The following GALNTL6 variants were observed in gnomAD, a reference collection of about 807,000 sequenced individuals.
GALNTL6 encodes the protein polypeptide N-acetylgalactosaminyltransferase like 6.
A neutral mutation model predicts 73.7 loss-of-function variants in GALNTL6; 46 were observed. The ratio of observed to expected loss-of-function variants is 0.62; its 90% CI spans 0.49 to 0.80. GALNTL6 has a LOEUF of 0.80. Among genes scored for constraint, GALNTL6 ranks in the 30% least tolerant of loss-of-function variants. The pLI is 0.00. For synonymous variants in GALNTL6, 259 were observed against 263.7 expected, an observed-to-expected ratio of 0.98 and a Z score of 0.17; for missense variants, 604 against 755.0, an observed-to-expected ratio of 0.80 and a Z score of 2.34.
At chr4:172,524,155 C>A (rs897455864) in intron 5 of GALNTL6, among the ~76,000 whole-genome samples, 2 of 152,132 alleles carry the variant, frequency 1.3e-5, no homozygotes, top group African/African-American at 4.8e-5. Flanking sequence ...ATTCTGTGGA[C>A]ACTTTTGCTC....
At chr4:172,398,862 G>T (rs1743939500) in intron 5 of GALNTL6, among the ~76,000 whole-genome samples, 1 of 150,534 alleles carries the variant, frequency 6.6e-6, no homozygotes, top group Non-Finnish European at 1.5e-5. Flanking sequence ...CAATGTTTGG[G>T]TTTTTTTTTC....
At chr4:172,777,721 A>T (rs546509588) in intron 5 of GALNTL6, among the ~76,000 whole-genome samples, 1 of 152,286 alleles carries the variant, frequency 6.6e-6, no homozygotes, top group Non-Finnish European at 1.5e-5. Flanking sequence ...ATAAGTAGAG[A>T]CTTCCATAGA....
At chr4:172,203,212 G>A (rs1352640822) in intron 2 of GALNTL6, among the ~76,000 whole-genome samples, 1 of 152,146 alleles carries the variant, frequency 6.6e-6, no homozygotes, top group Non-Finnish European at 1.5e-5. Flanking sequence ...TATTGGTTAT[G>A]TTGTTATGGG....
chr4:171,944,633 AT>A (rs1489608050), intron 2 of GALNTL6, among the ~76,000 whole-genome samples: 1 of 152,072 alleles, frequency 6.6e-6, no homozygotes, highest in Non-Finnish European at 1.5e-5. Context: ...AAATACATTC[AT>A]TTCTAATCCA....
At chr4:172,409,025 T>C (rs894175830) in intron 5 of GALNTL6, among the ~76,000 whole-genome samples, 1 of 152,110 alleles carries the variant, frequency 6.6e-6, no homozygotes. Flanking sequence ...AGATATTGAA[T>C]ATTTTCAGTT....
At chr4:172,482,364 C>A (rs760364261) in intron 5 of GALNTL6, among the ~76,000 whole-genome samples, 1 of 152,240 alleles carries the variant, frequency 6.6e-6, no homozygotes, top group Non-Finnish European at 1.5e-5. Context: ...GTGGCCAGAG[C>A]GGATGCCGAG....
intron 5 of GALNTL6, among the ~76,000 whole-genome samples, chr4:172,609,933 G>A (rs1269481407): frequency 6.6e-6 from 1 of 151,842 alleles, no homozygotes; most frequent in East Asian, 1.9e-4. Flanking sequence ...GAGGGTGAAT[G>A]TGTCCAGGAA....
intron 5 of GALNTL6, among the ~76,000 whole-genome samples, chr4:172,658,082 G>A (rs1331607286): frequency 4.1e-5 from 5 of 120,564 alleles, no homozygotes; most frequent in Non-Finnish European, 8.4e-5. Flanking sequence ...CCCGGGAGGC[G>A]GAGCTTGCAG....
intron 5 of GALNTL6, among the ~76,000 whole-genome samples, chr4:172,791,888 G>T (rs1740013089): frequency 6.6e-6 from 1 of 152,194 alleles, no homozygotes; most frequent in Non-Finnish European, 1.5e-5. Flanking sequence ...AAAAAGTCAT[G>T]TTGGATTCTG....
At chr4:172,212,649 C>A (rs772694585) in intron 2 of GALNTL6, among the ~76,000 whole-genome samples, 10 of 152,002 alleles carry the variant, frequency 6.6e-5, no homozygotes, top group Non-Finnish European at 1.5e-4. Flanking sequence ...CCCCTGGCAA[C>A]CACTGCTCTT....
In GALNTL6 at chr4:172,069,391, ATG is replaced by A. The variant is rs1307182966; in HGVS notation, c.139-160261_139-160260del. On this transcript the variant is annotated intron_variant, in intron 2 of 12. Transcript: ENST00000506823. ...TGTGTATATATATGTGTGTGTACATATGTGTTATATATAACACATATATGTTA... is the reference window on the plus strand; with the variant it reads ...TGTGTATATATATGTGTGTGTACATATGTTATATATAACACATATATGTTA... Among the ~76,000 whole-genome samples, 2 of 99,456 alleles carry A rather than the reference ATG, an allele frequency of 2.0e-5. 1 individual carries two copies. Among genetic ancestry groups the A allele is most frequent in the Non-Finnish European group, 4.3e-5 (2 of 46,400 alleles). 65.2% of individuals were successfully genotyped at this position (99,456 alleles called of 152,430 possible).
At chr4:171,826,377 G>A (rs1046828361) in intron 2 of GALNTL6, among the ~76,000 whole-genome samples, 30 of 152,096 alleles carry the variant, frequency 2.0e-4, no homozygotes, top group Non-Finnish European at 3.5e-4. Flanking sequence ...GATAAATATG[G>A]AACCTCTATC....
At chr4:172,097,254 C>T (rs1732381922) in intron 2 of GALNTL6, among the ~76,000 whole-genome samples, 1 of 152,190 alleles carries the variant, frequency 6.6e-6, no homozygotes, top group Non-Finnish European at 1.5e-5. Flanking sequence ...CTATAAACTT[C>T]TGAACTGGTT....
intron 8 of GALNTL6, among the ~76,000 whole-genome samples, chr4:172,913,004 T>C (rs906062034): frequency 2.0e-5 from 3 of 152,126 alleles, no homozygotes; most frequent in Non-Finnish European, 2.9e-5. Flanking sequence ...CGGGTAACCC[T>C]GTGAGACAAA....
At chr4:173,018,839 C>T (rs941876033) in intron 11 of GALNTL6, among the ~76,000 whole-genome samples, 29 of 152,266 alleles carry the variant, frequency 1.9e-4, no homozygotes, top group Non-Finnish European at 3.7e-4. Context: ...GTGGAGCGTT[C>T]CTAAGAGGTC....
chr4:171,901,571 C>A (rs915731655), intron 2 of GALNTL6, among the ~76,000 whole-genome samples: 1 of 152,164 alleles, frequency 6.6e-6, no homozygotes, highest in Admixed American at 6.5e-5. Context: ...CATCTCAGGA[C>A]CAGACCATGT....
chr4:171,821,327 C>A (rs2110803878), intron 2 of GALNTL6, among the ~76,000 whole-genome samples: 1 of 152,234 alleles, frequency 6.6e-6, no homozygotes, highest in African/African-American at 2.4e-5. Flanking sequence ...AAGCATGAGC[C>A]CCCACTCCCA....
chr4:172,938,923 T>C (rs1748767436), intron 9 of GALNTL6, among the ~76,000 whole-genome samples: 1 of 152,232 alleles, frequency 6.6e-6, no homozygotes. Context: ...GCAATAAGGC[T>C]GTCTAATACT....
intron 9 of GALNTL6, among the ~76,000 whole-genome samples, chr4:172,931,988 G>C (rs1748366788): frequency 6.6e-6 from 1 of 152,086 alleles, no homozygotes; most frequent in Non-Finnish European, 1.5e-5. Flanking sequence ...GTCAGTTTTT[G>C]TCACCACCAT....
Sources: gnomAD v4.1 joint callset for allele counts (sites outside exome capture counted in the v4.1 genomes callset) on GRCh38, gnomAD v4.1.1 for gene constraint, MANE v1.5 for transcripts, NCBI Gene and HGNC (gene_info 2026-07-23, HGNC 2026-07-21) for gene names.